The following CDH18 variants were observed in gnomAD, a reference collection of about 807,000 sequenced individuals.
CDH18 encodes cadherin 18, also known as cadherin-18.
CDH18 carries 31 observed loss-of-function variants against 67.9 expected under a neutral mutation model. The ratio of observed to expected loss-of-function variants is 0.46; its 90% CI spans 0.34 to 0.62. CDH18 has a LOEUF of 0.62. CDH18 is among the 20% of genes least tolerant of loss of function. The probability of loss-of-function intolerance (pLI) is 0.01; values close to 1 mark genes in which losing one functional copy is unlikely to be tolerated. For synonymous variants in CDH18, 362 were observed against 347.2 expected (o/e 1.04, Z -0.48); for missense variants, 890 against 975.5 (o/e 0.91, Z 1.17).
At chr5:19,798,639 G>A (rs1459380463) in intron 3 of CDH18, among the ~76,000 whole-genome samples, 1 of 151,788 alleles carries the variant, frequency 6.6e-6, no homozygotes, top group African/African-American at 2.4e-5. Flanking sequence ...TTATCTCCAT[G>A]CTTTTAACAG....
chr5:20,532,475 A>G (rs1181331615), intron 1 of CDH18, among the ~76,000 whole-genome samples: 2 of 151,990 alleles, frequency 1.3e-5, no homozygotes, highest in South Asian at 2.1e-4. Context: ...GTGTTTTCCT[A>G]TATTATACTA....
Position 19,483,532 on chromosome 5 carries a change from T to C in CDH18, c.1651A>G (p.Thr551Ala). 6.2e-7 allele frequency: 1 copy of C among 1,612,488 alleles called. No homozygotes were observed. Among genetic ancestry groups the C allele is most frequent in the Non-Finnish European group, 8.5e-7 (1 of 1,179,018 alleles). Reference protein sequence around the residue: ...DNEDNTASILTRRRRFSRTVQ... With the variant: ...DNEDNTASILARRRRFSRTVQ... ...GTTCGACTAAATCTCCTCCGCCTTG[T>C]CAGAATGCTGGCTGTGTTATCTATG... is the stretch of plus-strand genomic sequence containing the variant. Residue 551 changes from threonine (T) to alanine (A), a missense_variant, in exon 12 of 13, where the codon ACA (threonine) becomes GCA (alanine). Thr to Ala is a moderately conservative substitution (Grantham distance 58). Transcript: ENST00000382275.
At chr5:19,970,772 TTAAA>T in intron 2 of CDH18, among the ~76,000 whole-genome samples, 1 of 150,752 alleles carries the variant, frequency 6.6e-6, no homozygotes, top group South Asian at 2.1e-4. Context: ...ATCTTTGAGA[TTAAA>T]TATTATTCTA....
chr5:19,718,533 T>G (rs1404706359), intron 5 of CDH18, among the ~76,000 whole-genome samples: 1 of 152,038 alleles, frequency 6.6e-6, no homozygotes, highest in Non-Finnish European at 1.5e-5. Context: ...AATTGGGTTT[T>G]TAAGCACAAA....
intron 1 of CDH18, among the ~76,000 whole-genome samples, chr5:20,394,314 A>T (rs1360409210): frequency 2.0e-5 from 3 of 152,132 alleles, no homozygotes; most frequent in Non-Finnish European, 2.9e-5. Context: ...TGGGAAAAGG[A>T]CACACTATTC....
At chr5:19,699,419 T>G (rs1343674479) in intron 5 of CDH18, among the ~76,000 whole-genome samples, 1 of 152,136 alleles carries the variant, frequency 6.6e-6, no homozygotes, top group Non-Finnish European at 1.5e-5. Context: ...GATACAACTT[T>G]ATACCTGTTA....
chr5:20,408,624 T>C (rs1378133065), intron 1 of CDH18, among the ~76,000 whole-genome samples: 1 of 151,582 alleles, frequency 6.6e-6, no homozygotes, highest in East Asian at 1.9e-4. Context: ...AGCATATTAA[T>C]ACTAAATATA....
At chr5:20,368,361 CA>C (rs1260715294) in intron 1 of CDH18, among the ~76,000 whole-genome samples, 1 of 151,978 alleles carries the variant, frequency 6.6e-6, no homozygotes, top group Non-Finnish European at 1.5e-5. Context: ...TAAAGCAGTT[CA>C]AAAGTTCAAG....
At chr5:20,349,138 A>C (rs1740949576) in intron 1 of CDH18, among the ~76,000 whole-genome samples, 1 of 152,170 alleles carries the variant, frequency 6.6e-6, no homozygotes, top group South Asian at 2.1e-4. Context: ...TAACTAAAGG[A>C]ATAGAATAAA....
chr5:19,851,732 A>G (rs926389238), intron 2 of CDH18, among the ~76,000 whole-genome samples: 5 of 150,768 alleles, frequency 3.3e-5, no homozygotes, highest in Admixed American at 1.3e-4. Flanking sequence ...CTTACTGGGG[A>G]ATATATATGT....
chr5:19,851,070 GTAA>G (rs1783629948), intron 2 of CDH18, among the ~76,000 whole-genome samples: 1 of 151,734 alleles, frequency 6.6e-6, no homozygotes, highest in Non-Finnish European at 1.5e-5. Flanking sequence ...TTAGTGAAAA[GTAA>G]TAATAAGACT....
At chr5:20,405,364 T>A (rs1746149773) in intron 1 of CDH18, among the ~76,000 whole-genome samples, 1 of 152,160 alleles carries the variant, frequency 6.6e-6, no homozygotes, top group Admixed American at 6.5e-5. Flanking sequence ...TAAATGGTGC[T>A]GGGAAAACTG....
At chr5:19,675,169 T>C (rs1759301707) in intron 5 of CDH18, among the ~76,000 whole-genome samples, 1 of 152,002 alleles carries the variant, frequency 6.6e-6, no homozygotes, top group Non-Finnish European at 1.5e-5. Context: ...AGAGATCACA[T>C]GCTTCACAAG....
chr5:20,316,460 A>T (rs777424660), intron 1 of CDH18, among the ~76,000 whole-genome samples: 1 of 152,114 alleles, frequency 6.6e-6, no homozygotes, highest in Non-Finnish European at 1.5e-5. Flanking sequence ...CTTCTTAAAA[A>T]TATAAATTCT....
At chr5:19,725,768 T>TCAA (rs964655728) in intron 4 of CDH18, among the ~76,000 whole-genome samples, 2 of 152,100 alleles carry the variant, frequency 1.3e-5, no homozygotes, top group Non-Finnish European at 2.9e-5. Flanking sequence ...AAACTCCGTC[T>TCAA]CAACAACAAC....
intron 2 of CDH18, among the ~76,000 whole-genome samples, chr5:20,021,934 T>C (rs992071593): frequency 6.6e-6 from 1 of 152,184 alleles, no homozygotes; most frequent in African/African-American, 2.4e-5. Flanking sequence ...AATATTTGCT[T>C]AATAAAAACA....
chr5:20,224,207 T>G (rs190274464), intron 2 of CDH18, among the ~76,000 whole-genome samples: 190 of 152,232 alleles, frequency 1.2e-3, no homozygotes, highest in Non-Finnish European at 1.4e-3. Context: ...GATACTTTCC[T>G]CAGTCTTGTT....
At chr5:20,536,667 T>C (rs1002400809) in intron 1 of CDH18, among the ~76,000 whole-genome samples, 3 of 152,100 alleles carry the variant, frequency 2.0e-5, no homozygotes, top group Non-Finnish European at 4.4e-5. Flanking sequence ...TAGGCAACGA[T>C]TTTCAGAAAA....
chr5:20,072,248 CCTT>C (rs761306057), intron 2 of CDH18, among the ~76,000 whole-genome samples: 3 of 151,954 alleles, frequency 2.0e-5, no homozygotes, highest in Non-Finnish European at 2.9e-5. Flanking sequence ...GAAAAGGAAA[CCTT>C]CTCTGCCACA....
Sources: allele counts gnomAD v4.1 joint callset (sites outside exome capture counted in the v4.1 genomes callset), GRCh38; gene constraint gnomAD v4.1.1; transcripts MANE v1.5; gene names NCBI Gene and HGNC (gene_info 2026-07-23, HGNC 2026-07-21).